Variants in CUL5 observed in about 807,000 individuals in gnomAD.
CUL5 encodes cullin 5.
A neutral mutation model predicts 108.8 loss-of-function variants in CUL5; 26 were observed. The ratio of observed to expected loss-of-function variants is 0.24; its 90% CI spans 0.18 to 0.33. The LOEUF is 0.33. Ranked by LOEUF, CUL5 falls within the 10% of genes least tolerant of loss-of-function variation. CUL5 has a pLI of 1.00. For synonymous variants in CUL5, 334 were observed against 298.0 expected (o/e 1.12, Z -1.25); for missense variants, 524 against 909.2 (o/e 0.58, Z 5.45).
intron 16 of CUL5, among the ~76,000 whole-genome samples, chr11:108,095,968 C>T (rs755307232): frequency 2.6e-5 from 4 of 151,218 alleles, no homozygotes; most frequent in African/African-American, 4.9e-5. Flanking sequence ...TGGTGGTGGG[C>T]GCCTGTAATC....
intron 12 of CUL5, 24 bp downstream of exon 12, chr11:108,088,683 A>G (rs756636420): frequency 3.2e-6 from 5 of 1,550,072 alleles, no homozygotes; most frequent in East Asian, 2.3e-5. Context: ...TTGTATTTCA[A>G]CTTTTAAAAT....
At chr11:108,086,034 G>A (rs1168199038) in intron 11 of CUL5, among the ~76,000 whole-genome samples, 2 of 152,252 alleles carry the variant, frequency 1.3e-5, no homozygotes, top group Non-Finnish European at 2.9e-5. Context: ...TGGATAGATG[G>A]AAATTGTTAT....
chr11:108,052,528 T>C, intron 4 of CUL5, 132 bp from the exon 5 acceptor site: 2 of 720,810 alleles, frequency 2.8e-6, no homozygotes, highest in East Asian at 5.7e-5. Context: ...TCCCAAATTG[T>C]TGGGACTACA....
intron 1 of CUL5, among the ~76,000 whole-genome samples, chr11:108,018,124 C>T (rs984668049): frequency 8.5e-5 from 13 of 152,086 alleles, no homozygotes; most frequent in Admixed American, 8.5e-4. Context: ...GGAGGAAGGG[C>T]ATTTTTCTTA....
intron 11 of CUL5, among the ~76,000 whole-genome samples, chr11:108,082,227 TCCTTCC>T (rs1001470737): frequency 1.4e-4 from 22 of 151,952 alleles, no homozygotes; most frequent in Admixed American, 1.2e-3. Flanking sequence ...TCCTTTCTTT[TCCTTCC>T]CCTTCCCCTT....
At chr11:108,056,667 A>G (rs1863387455) in intron 7 of CUL5, among the ~76,000 whole-genome samples, 1 of 152,054 alleles carries the variant, frequency 6.6e-6, no homozygotes. Flanking sequence ...TCCCTTAGGA[A>G]GATTAATCTG....
At chr11:108,052,624 T>C in intron 4 of CUL5, 36 bp from the exon 5 acceptor site, 1 of 1,551,580 alleles carries the variant, frequency 6.4e-7, no homozygotes, top group Non-Finnish European at 8.8e-7. Flanking sequence ...TATTAATAAT[T>C]GAAAATTATG....
rs1279344163 is a variant in CUL5 at position 108,088,609 on chromosome 11, T to C, written c.1261T>C (p.Leu421=). ...TGACATGTTGCTAAGAAAAACACCA[T>C]TAAGCAAAAAACTAACCTCTGAAGA... ...YCDMLLRKTP[L]SKKLTSEEIE... is the part of the protein sequence containing the mutation. The change falls in exon 12 of 19, where the codon TTA becomes CTA. Residue 421 remains leucine, a synonymous_variant. Transcript: ENST00000393094. 1.2e-6 allele frequency: 2 copies of C among 1,612,238 alleles called. No individual in the cohort carries two copies. Among genetic ancestry groups the C allele is most frequent in the African/African-American group, 1.3e-5 (1 of 74,784 alleles).
intron 16 of CUL5, among the ~76,000 whole-genome samples, chr11:108,096,970 C>T (rs971970187): frequency 2.0e-5 from 3 of 152,028 alleles, no homozygotes; most frequent in African/African-American, 7.2e-5. Flanking sequence ...ACTCATTAGC[C>T]CCCTGCTCAC....
At chr11:108,091,115 A>C (rs948557904) in intron 13 of CUL5, among the ~76,000 whole-genome samples, 12 of 151,676 alleles carry the variant, frequency 7.9e-5, no homozygotes, top group Admixed American at 6.6e-4. Flanking sequence ...GCAGTGGTGC[A>C]ATCTTGACTC....
intron 1 of CUL5, among the ~76,000 whole-genome samples, chr11:108,028,614 G>A (rs1395737148): frequency 3.3e-5 from 5 of 152,020 alleles, no homozygotes; most frequent in African/African-American, 9.7e-5. Flanking sequence ...CGAAGCGGGC[G>A]GATCACAAGG....
intron 2 of CUL5, 37 bp downstream of exon 2, chr11:108,033,948 GA>G: frequency 7.9e-7 from 1 of 1,264,260 alleles, no homozygotes; most frequent in Non-Finnish European, 1.1e-6. Context: ...TAGCATAAAG[GA>G]AATTTTAGTG....
chr11:108,068,441 C>A (rs35583347), intron 7 of CUL5, among the ~76,000 whole-genome samples: 32,367 of 151,932 alleles, frequency 0.21, 3,553 homozygotes, highest in Non-Finnish European at 0.23. Flanking sequence ...ACCTCAGCCC[C>A]CCAACTCGCA....
intron 1 of CUL5, among the ~76,000 whole-genome samples, chr11:108,023,134 C>T (rs1344866236): frequency 6.6e-6 from 1 of 151,966 alleles, no homozygotes; most frequent in African/African-American, 2.4e-5. Flanking sequence ...TCCCAGCTAC[C>T]TGGGAGGCTG....
intron 13 of CUL5, among the ~76,000 whole-genome samples, chr11:108,090,330 T>C (rs529716454): frequency 6.6e-5 from 10 of 151,362 alleles, no homozygotes; most frequent in African/African-American, 2.4e-4. Flanking sequence ...CTATTAAAAA[T>C]ACAAAAAAAT....
chr11:108,064,972 T>TTTTTCTTTGTTGG, intron 7 of CUL5, among the ~76,000 whole-genome samples: 1 of 152,072 alleles, frequency 6.6e-6, no homozygotes, highest in East Asian at 1.9e-4. Context: ...AGCCATCAGG[T>TTTTTCTTTGTTGG]GCCAGGCTTT....
chr11:108,035,794 A>G (rs1317331776), intron 2 of CUL5, among the ~76,000 whole-genome samples: 1 of 152,032 alleles, frequency 6.6e-6, no homozygotes, highest in African/African-American at 2.4e-5. Context: ...TTTATTGAGT[A>G]TATGCCTGCT....
At chr11:108,103,415 G>GA (rs1031920719) in intron 18 of CUL5, among the ~76,000 whole-genome samples, 15 of 149,184 alleles carry the variant, frequency 1.0e-4, no homozygotes, top group African/African-American at 2.5e-4. Context: ...AGAAGAAGGG[G>GA]AAAAAAAAAA....
At chr11:108,059,374 T>C (rs1863477206) in intron 7 of CUL5, among the ~76,000 whole-genome samples, 1 of 152,168 alleles carries the variant, frequency 6.6e-6, no homozygotes, top group East Asian at 1.9e-4. Flanking sequence ...ATGGATTGTT[T>C]ATACAATAGA....
Sources: allele counts gnomAD v4.1 joint callset (sites outside exome capture counted in the v4.1 genomes callset), GRCh38; gene constraint gnomAD v4.1.1; transcripts MANE v1.5; gene names NCBI Gene and HGNC (gene_info 2026-07-23, HGNC 2026-07-21).